Variants in HMGA2 observed in about 807,000 individuals in gnomAD.
HMGA2 encodes high mobility group protein HMGI-C.
HMGA2 carries 8 observed loss-of-function variants against 19.1 expected under a neutral mutation model. The observed-to-expected ratio is 0.42, with a 90% CI of 0.25 to 0.76. The LOEUF is 0.76. Among genes scored for constraint, HMGA2 ranks in the 30% least tolerant of loss-of-function variants. The pLI is 0.28. For synonymous variants in HMGA2, 60 were observed against 48.8 expected, an observed-to-expected ratio of 1.23 and a Z score of -0.96; for missense variants, 109 against 136.3, an observed-to-expected ratio of 0.80 and a Z score of 1.00.
At chr12:65,944,929 A>G (rs1341751674) in intron 3 of HMGA2, among the ~76,000 whole-genome samples, 1 of 152,150 alleles carries the variant, frequency 6.6e-6, no homozygotes, top group Non-Finnish European at 1.5e-5. Context: ...GACTACTCAC[A>G]GGTGCGATCA....
rs368310612 is a variant in HMGA2, at chr12:65,936,898, C to G, written c.250-14485C>G. ...TTTCTGGCCCCAAAGCCCTGTTCTT[C>G]CCCCACTATCTTGAACTTCCTTTCC... On this transcript the variant is annotated intron_variant, in intron 3 of 4. Coordinates refer to ENST00000403681, the MANE Select transcript of HMGA2 (RefSeq NM_003483.6). Among the ~76,000 whole-genome samples, 48 of 152,228 alleles carry G rather than the reference C, an allele frequency of 3.2e-4. 1 individual carries two copies. In the East Asian group the frequency reaches 7.9e-3, roughly 25 times the overall value.
At chr12:65,870,245 A>C (rs1872643090) in intron 3 of HMGA2, among the ~76,000 whole-genome samples, 1 of 152,246 alleles carries the variant, frequency 6.6e-6, no homozygotes, top group South Asian at 2.1e-4. Flanking sequence ...CACATTATGA[A>C]CATTGTCTTG....
At chr12:65,921,550 A>C (rs576409331) in intron 3 of HMGA2, among the ~76,000 whole-genome samples, 1 of 152,344 alleles carries the variant, frequency 6.6e-6, no homozygotes, top group African/African-American at 2.4e-5. Context: ...CCCGGCAGGC[A>C]TTAAGTTTTA....
At chr12:65,843,665 TACAC>T (rs35271921) in intron 3 of HMGA2, 4,161 of 146,562 alleles carry the variant, frequency 0.028, 84 homozygotes, top group East Asian at 0.1. Flanking sequence ...GTTTGCTACT[TACAC>T]ACACACACAC....
chr12:65,938,099 C>T (rs1263557738), intron 3 of HMGA2, among the ~76,000 whole-genome samples: 1 of 152,152 alleles, frequency 6.6e-6, no homozygotes, highest in East Asian at 1.9e-4. Context: ...AAGAGACTCT[C>T]CTGCTGGACC....
At chr12:65,838,701 G>C (rs889420021) in intron 3 of HMGA2, 132 bp downstream of exon 3, 7 of 697,024 alleles carry the variant, frequency 1.0e-5, no homozygotes, top group Non-Finnish European at 1.5e-5. Context: ...AAAGGGTTAA[G>C]TCAAGAGACA....
chr12:65,843,717 AAAC>A (rs1871110303), intron 3 of HMGA2, among the ~76,000 whole-genome samples: 2 of 151,800 alleles, frequency 1.3e-5, no homozygotes, highest in African/African-American at 4.8e-5. Flanking sequence ...CACACACACA[AAAC>A]AAAAACTTTT....
At chr12:65,912,796 A>G (rs867980396) in intron 3 of HMGA2, among the ~76,000 whole-genome samples, 1 of 152,328 alleles carries the variant, frequency 6.6e-6, no homozygotes, top group East Asian at 1.9e-4. Flanking sequence ...TCTGGCCCAC[A>G]GTTTTCACAA....
chr12:65,913,363 C>T (rs868258719), intron 3 of HMGA2, among the ~76,000 whole-genome samples: 1 of 152,156 alleles, frequency 6.6e-6, no homozygotes, highest in Non-Finnish European at 1.5e-5. Flanking sequence ...GAAGATCCCC[C>T]AGTCTTCCTC....
At chr12:65,856,141 A>T (rs963635442) in intron 3 of HMGA2, 1 of 152,182 alleles carries the variant, frequency 6.6e-6, no homozygotes, top group Non-Finnish European at 1.5e-5. Flanking sequence ...TACTCAACCA[A>T]AATAAATGTG....
intron 3 of HMGA2, among the ~76,000 whole-genome samples, chr12:65,879,269 A>G (rs1592414602): frequency 6.7e-6 from 1 of 149,704 alleles, no homozygotes; most frequent in Non-Finnish European, 1.5e-5. Flanking sequence ...CTGGGACTAC[A>G]GGCATGTGCC....
In HMGA2 at chr12:65,825,759, G is replaced by T. The variant is rs1870136777; in HGVS notation, c.111+378G>T. Among the ~76,000 whole-genome samples, 1 of 152,148 alleles carries T rather than the reference G, an allele frequency of 6.6e-6. No individual in the cohort carries two copies. The highest frequency in any genetic ancestry group is 6.5e-5 in the Admixed American group (1 of 15,278). On this transcript the variant is annotated intron_variant, in intron 1 of 4. Transcript: ENST00000403681. The surrounding 1 kb of genome is among the most constrained non-coding windows in gnomAD (Gnocchi z 4.4). ...CGCTTTCCGAGTTGCTTTTGCAACT[G>T]CCCGGGAGGAAGGAGGTGCCGGGGA...
chr12:65,955,615 A>T (rs1234347958), intron 4 of HMGA2: 2 of 152,230 alleles, frequency 1.3e-5, no homozygotes, highest in African/African-American at 4.8e-5. Context: ...ATTGTTGTAC[A>T]GCCCTGGCAA....
At chr12:65,885,785 A>G (rs1592420829) in intron 3 of HMGA2, among the ~76,000 whole-genome samples, 1 of 152,340 alleles carries the variant, frequency 6.6e-6, no homozygotes, top group East Asian at 1.9e-4. Flanking sequence ...GATTTTTATA[A>G]CCAATGACTT....
At chr12:65,963,096 C>A in intron 4 of HMGA2, 149 bp from the exon 5 acceptor site, 1 of 699,268 alleles carries the variant, frequency 1.4e-6, no homozygotes. Context: ...TTTAAGAAGC[C>A]CTGGGAATGA....
intron 2 of HMGA2, among the ~76,000 whole-genome samples, chr12:65,832,951 A>T (rs2120846813): frequency 6.6e-6 from 1 of 152,134 alleles, no homozygotes; most frequent in African/African-American, 2.4e-5. Flanking sequence ...TTTGAAAATG[A>T]TAACTTTGCC....
intron 3 of HMGA2, chr12:65,859,864 G>T (rs192121776): frequency 1.8e-4 from 37 of 209,420 alleles, no homozygotes; most frequent in African/African-American, 8.2e-4. Flanking sequence ...TGGGAGGATT[G>T]CTTGAGCCCA....
At chr12:65,902,282 A>T (rs913357837) in intron 3 of HMGA2, among the ~76,000 whole-genome samples, 3 of 152,206 alleles carry the variant, frequency 2.0e-5, no homozygotes, top group African/African-American at 7.2e-5. Flanking sequence ...AGATAGTAAT[A>T]AACAAACAAT....
At chr12:65,900,353 C>G (rs1035107969) in intron 3 of HMGA2, among the ~76,000 whole-genome samples, 37 of 152,138 alleles carry the variant, frequency 2.4e-4, no homozygotes, top group Non-Finnish European at 1.9e-4. Flanking sequence ...TTCCAAGGAG[C>G]TTGTTTTTAG....
Sources: allele counts gnomAD v4.1 joint callset (sites outside exome capture counted in the v4.1 genomes callset), GRCh38; gene constraint gnomAD v4.1.1; non-coding constraint Gnocchi (gnomAD v3.1); transcripts MANE v1.5; gene names NCBI Gene and HGNC (gene_info 2026-07-23, HGNC 2026-07-21).